RBM47: variants seen among roughly 807,000 people sequenced by gnomAD.
RBM47 encodes the protein RNA binding motif protein 47, also known as RNA-binding protein 47.
RBM47 carries 21 observed loss-of-function variants against 47.1 expected under a neutral mutation model. That is an observed-to-expected ratio of 0.45 (90% CI 0.32 to 0.64). RBM47 has a LOEUF of 0.64. RBM47 is among the 30% of genes least tolerant of loss of function. RBM47 has a pLI of 0.05. For synonymous variants in RBM47, 375 were observed against 361.7 expected (o/e 1.04, Z -0.42); for missense variants, 708 against 870.9 (o/e 0.81, Z 2.35).
chr4:40,528,520 C>G (rs1726983347), intron 2 of RBM47, among the ~76,000 whole-genome samples: 2 of 152,078 alleles, frequency 1.3e-5, no homozygotes, highest in Admixed American at 6.6e-5. Context: ...AAAATGGGAG[C>G]CACCGTAATC....
At chr4:40,426,478 G>A (rs370565038) in intron 6 of RBM47, among the ~76,000 whole-genome samples, 1 of 152,126 alleles carries the variant, frequency 6.6e-6, no homozygotes, top group Non-Finnish European at 1.5e-5. Context: ...TCAGATGCTC[G>A]AGTCCCTGAG....
intron 5 of RBM47, among the ~76,000 whole-genome samples, chr4:40,433,073 A>T (rs1204298574): frequency 6.6e-6 from 1 of 151,944 alleles, no homozygotes. Flanking sequence ...AGATCCTCCC[A>T]CCTCAGCCTC....
intron 2 of RBM47, among the ~76,000 whole-genome samples, chr4:40,486,295 A>G (rs186372426): frequency 5.5e-4 from 84 of 152,306 alleles, no homozygotes; most frequent in Non-Finnish European, 9.3e-4. Flanking sequence ...GTCATTAAAG[A>G]GCCAATTTCC....
chr4:40,540,806 T>A (rs984558977), intron 2 of RBM47, among the ~76,000 whole-genome samples: 1 of 150,940 alleles, frequency 6.6e-6, no homozygotes, highest in Non-Finnish European at 1.5e-5. Flanking sequence ...TTGGTTTTTT[T>A]AATCAGCTAA....
intron 1 of RBM47, among the ~76,000 whole-genome samples, chr4:40,585,657 A>T (rs1733503878): frequency 6.6e-6 from 1 of 152,198 alleles, no homozygotes. Flanking sequence ...CAACAAAACC[A>T]AAGCGAACCC....
intron 1 of RBM47, among the ~76,000 whole-genome samples, chr4:40,561,135 A>G (rs1038863062): frequency 6.6e-6 from 1 of 152,016 alleles, no homozygotes; most frequent in Admixed American, 6.6e-5. Flanking sequence ...AGTAAAGAAG[A>G]CTGAGGTCCA....
At chr4:40,436,351 TGA>T in intron 5 of RBM47, 88 bp downstream of exon 5, 1 of 1,286,232 alleles carries the variant, frequency 7.8e-7, no homozygotes, top group South Asian at 1.3e-5. Flanking sequence ...TGTGCAGATG[TGA>T]GAGCCTGAAA....
intron 2 of RBM47, among the ~76,000 whole-genome samples, chr4:40,480,257 C>T (rs1423129120): frequency 1.3e-5 from 2 of 152,040 alleles, no homozygotes; most frequent in East Asian, 3.8e-4. Flanking sequence ...GGATTACAGC[C>T]GTGAGCCACG....
chr4:40,484,619 C>T (rs536458115), intron 2 of RBM47, among the ~76,000 whole-genome samples: 1 of 152,324 alleles, frequency 6.6e-6, no homozygotes, highest in South Asian at 2.1e-4. Context: ...CTCTGGTTAA[C>T]TTATGATGAC....
intron 1 of RBM47, among the ~76,000 whole-genome samples, chr4:40,607,424 G>C (rs966903397): frequency 1.3e-5 from 2 of 152,120 alleles, no homozygotes; most frequent in Admixed American, 6.5e-5. Flanking sequence ...TTCTGGAATA[G>C]GGCGGAGCAT....
intron 1 of RBM47, among the ~76,000 whole-genome samples, chr4:40,592,747 CAG>C (rs1188378435): frequency 6.7e-6 from 1 of 149,918 alleles, no homozygotes. Flanking sequence ...TTTGTAGAGA[CAG>C]GGCCTCGCTA....
At chr4:40,478,900 A>G (rs1290896316) in intron 2 of RBM47, among the ~76,000 whole-genome samples, 1 of 152,240 alleles carries the variant, frequency 6.6e-6, no homozygotes, top group Non-Finnish European at 1.5e-5. Flanking sequence ...ATTTGACACT[A>G]TTTAGAATTT....
chr4:40,549,773 C>T (rs756642874), intron 1 of RBM47, among the ~76,000 whole-genome samples: 4 of 151,518 alleles, frequency 2.6e-5, no homozygotes, highest in African/African-American at 4.9e-5. Context: ...TTCCGCCTCC[C>T]GGGTTCAAGC....
At chr4:40,619,955 C>G (rs9685282) in intron 1 of RBM47, among the ~76,000 whole-genome samples, 2 of 151,926 alleles carry the variant, frequency 1.3e-5, no homozygotes, top group African/African-American at 4.8e-5. Context: ...CCCAACACTT[C>G]GGGAGGCCGA....
At chr4:40,507,148 G>A (rs926969183) in intron 2 of RBM47, among the ~76,000 whole-genome samples, 1 of 151,888 alleles carries the variant, frequency 6.6e-6, no homozygotes, top group African/African-American at 2.4e-5. Context: ...GTAGAGACAC[G>A]GTTTCACCAT....
chr4:40,611,585 T>C (rs969524681), intron 1 of RBM47, among the ~76,000 whole-genome samples: 13 of 151,476 alleles, frequency 8.6e-5, no homozygotes, highest in South Asian at 6.3e-4. Flanking sequence ...AAAAATTAGC[T>C]GGGTATCGTG....
rs117775974 is a variant in RBM47 at position 40,557,202 on chromosome 4, A to G, written c.-239-12696T>C. Among the ~76,000 whole-genome samples, 14 of 152,184 alleles carry G rather than the reference A, an allele frequency of 9.2e-5. No individual in the cohort carries two copies. The East Asian group carries it at 1.2e-3, about 13-fold the overall frequency. ...TCTTCAGATCTCAGTTCAAATGTCA[A>G]TTCCTCAGGGAAGCCTTCCCCAATG... is the stretch of plus-strand genomic sequence containing the variant. On this transcript the variant is annotated intron_variant, in intron 1 of 6. Coordinates refer to ENST00000295971, the MANE Select transcript of RBM47 (RefSeq NM_001098634.2).
intron 2 of RBM47, among the ~76,000 whole-genome samples, chr4:40,527,715 G>C (rs1187853461): frequency 8.6e-6 from 1 of 116,562 alleles, no homozygotes; most frequent in Non-Finnish European, 1.6e-5. Flanking sequence ...AAATAAGCTA[G>C]AATATTTTTT....
chr4:40,495,610 A>C (rs1404582973), intron 2 of RBM47, among the ~76,000 whole-genome samples: 1 of 146,068 alleles, frequency 6.8e-6, no homozygotes, highest in Admixed American at 6.8e-5. Flanking sequence ...CTCAAAAAAG[A>C]AAAAAAAAAA....
Sources: allele counts gnomAD v4.1 joint callset (sites outside exome capture counted in the v4.1 genomes callset), GRCh38; gene constraint gnomAD v4.1.1; transcripts MANE v1.5; gene names NCBI Gene and HGNC (gene_info 2026-07-23, HGNC 2026-07-21).